Variants in TBC1D10B observed in about 807,000 individuals in gnomAD.
The protein encoded by TBC1D10B is TBC1 domain family member 10B, also known as Rab27A-GAPbeta.
In TBC1D10B, 25 loss-of-function variants were observed where a neutral mutation model predicts 78.4. The ratio of observed to expected loss-of-function variants is 0.32; its 90% CI spans 0.23 to 0.45. The LOEUF is 0.45. Among genes scored for constraint, TBC1D10B ranks in the 20% least tolerant of loss-of-function variants. The pLI is 1.00. For synonymous variants in TBC1D10B, 517 were observed against 478.0 expected (o/e 1.08, Z -1.06); for missense variants, 996 against 1,104.8 (o/e 0.90, Z 1.40).
chr16:30,369,433 T>C lies in TBC1D10B; in HGVS notation c.751A>G (p.Ser251Gly). The C allele has an allele frequency of 3.8e-6, 6 of 1,561,660 alleles. No individual in the cohort carries two copies. Among genetic ancestry groups the C allele is most frequent in the Non-Finnish European group, 5.2e-6 (6 of 1,152,960 alleles). Residue 251 changes from serine (S) to glycine (G), a missense_variant, in exon 1 of 9, where the codon AGC becomes GGC. Physicochemically the swap from Ser to Gly is moderately conservative, Grantham distance 56. Around this residue, in one of 5 missense-constraint regions of TBC1D10B, gnomAD observed 448 missense variants for 442.1 expected, o/e 1.01. Coordinates refer to ENST00000409939, the MANE Select transcript of TBC1D10B (RefSeq NM_015527.4). This position sits in a 1 kb window ranked among gnomAD's most constrained non-coding sequence, Gnocchi z 4.3. ...GGCCCAGAGATGCCAGGTCCCAGGC[T>C]GGACGTGGAGCCCAGGTCTTGAGAG... ...ENSQDLGSTS[S>G]LGPGISGPRG...
At position 30,370,275 on chromosome 16, in the gene TBC1D10B, A is replaced by C. The variant is rs1057496196; in HGVS notation, c.-92T>G. ...CCGGCGAGGCCAGCCGAGAAAGGGG[A>C]GAGGGCGAAGGGCGCGGCTCGGCGC... On this transcript the variant is annotated 5_prime_UTR_variant, in exon 1 of 9. Transcript: ENST00000409939. 1.1e-5 allele frequency: 7 copies of C among 651,804 alleles called. No individual in the cohort carries two copies. The highest frequency in any genetic ancestry group is 5.3e-5 in the Admixed American group (1 of 18,710). 40.4% of individuals were successfully genotyped at this position (651,804 alleles called of 1,614,324 possible).
Position 30,370,162 on chromosome 16 carries a change from G to A in TBC1D10B, c.22C>T (p.Leu8=), listed in dbSNP as rs2049677000. Residue 8 remains leucine (L), a synonymous_variant, in exon 1 of 9, where the codon CTG becomes TTG. Coordinates refer to ENST00000409939, the MANE Select transcript of TBC1D10B (RefSeq NM_015527.4). METGTAP[L]VAPPRRHGAP... ...CCATGACGGCGCGGCGGGGCCACCA[G>A]GGGCGCCGTGCCCGTCTCCATGGCC... The A allele has an allele frequency of 3.4e-6, 4 of 1,183,122 alleles. No homozygotes were observed. In the East Asian group the frequency reaches 1.1e-4, roughly 33 times the overall value. The allele number at this position is 1,183,122 out of a possible 1,614,324, so 73.3% of individuals were successfully genotyped here. A position where few individuals can be genotyped will look rare whatever the true frequency, so the allele number is the denominator to read the frequency against.
At chr16:30,367,776 G>A (rs2049648239) in intron 1 of TBC1D10B, 1 of 152,208 alleles carries the variant, frequency 6.6e-6, no homozygotes, top group Admixed American at 6.5e-5. Flanking sequence ...ACTTCATCCT[G>A]TGGACAGCAG....
chr16:30,366,336 C>G (rs1477949516), intron 1 of TBC1D10B: 1 of 152,120 alleles, frequency 6.6e-6, no homozygotes, highest in African/African-American at 2.4e-5. Flanking sequence ...AAAACCCTGT[C>G]TCTACTATAA....
rs1157347245 is a variant in TBC1D10B at position 30,358,650 on chromosome 16, G to A, written c.1797+13C>T. On this transcript the variant is annotated intron_variant, in intron 8 of 8. Transcript: ENST00000409939. ...TGAGGCAGGCAGGGGCTGCGTTGAG[G>A]GCACAGGCCTACCTCATGCACCAGG... is the stretch of plus-strand genomic sequence containing the variant. The A allele has an allele frequency of 1.3e-6, 2 of 1,596,370 alleles. No homozygotes were observed. The highest frequency in any genetic ancestry group is 1.3e-5 in the African/African-American group (1 of 74,650).
rs1255255637 is a variant in TBC1D10B at position 30,364,890 on chromosome 16, G to C, written c.1271+10C>G. On this transcript the variant is annotated intron_variant, in intron 4 of 8. Coordinates refer to ENST00000409939, the MANE Select transcript of TBC1D10B (RefSeq NM_015527.4). ...TTTGCTGACTGACCCCCATGGTCCGGCCACCTTACCCATGCCCCCCTCGAG... is the reference window on the plus strand; with the variant it reads ...TTTGCTGACTGACCCCCATGGTCCGCCCACCTTACCCATGCCCCCCTCGAG... 6.3e-7 allele frequency: 1 copy of C among 1,599,626 alleles called. No individual in the cohort carries two copies. The highest frequency in any genetic ancestry group is 1.1e-5 in the South Asian group (1 of 88,432).
rs908526635 is a variant in TBC1D10B, at chr16:30,357,181, A to G, written c.*763T>C. 2 of 152,878 alleles carry G rather than the reference A, an allele frequency of 1.3e-5. No individual in the cohort carries two copies. 9.5% of individuals were successfully genotyped at this position (152,878 alleles called of 1,614,324 possible). A position where few individuals can be genotyped will look rare whatever the true frequency, so the allele number is the denominator to read the frequency against. On this transcript the variant is annotated 3_prime_UTR_variant, in exon 9 of 9. Transcript: ENST00000409939. ...GGCAGAGACAGAAGAGAATGTAAAC[A>G]TTGGGTTCCACCCCCTGGAGCTCAA...
chr16:30,365,825 A>G lies in TBC1D10B; in HGVS notation c.957-231T>C, dbSNP rs2151102474. ...CATATTTAAATCTCACTTCTGACAC[A>G]TCCAAATCTGGGGAGAGAGTATGGA... On this transcript the variant is annotated intron_variant, in intron 1 of 8. Coordinates refer to ENST00000409939, the MANE Select transcript of TBC1D10B (RefSeq NM_015527.4). This position sits in a 1 kb window ranked among gnomAD's most constrained non-coding sequence, Gnocchi z 5.0. The G allele has an allele frequency of 7.7e-6, 4 of 518,300 alleles. No homozygotes were observed. The South Asian group carries it at 8.8e-5, about 11-fold the overall frequency. 32.1% of individuals were successfully genotyped at this position (518,300 alleles called of 1,614,324 possible).
Position 30,357,640 on chromosome 16 carries a change from T to A in TBC1D10B, c.*304A>T. The A allele has an allele frequency of 2.3e-6, 1 of 440,266 alleles. No individual in the cohort carries two copies. The highest frequency in any genetic ancestry group is 4.1e-6 in the Non-Finnish European group (1 of 245,252). 27.3% of individuals were successfully genotyped at this position (440,266 alleles called of 1,614,324 possible). On this transcript the variant is annotated 3_prime_UTR_variant, in exon 9 of 9. Coordinates refer to ENST00000409939, the MANE Select transcript of TBC1D10B (RefSeq NM_015527.4). ...AACTGCTGACTCCCATCACCAGGAG[T>A]CACCCCTGGGATGACAACGGGCCAT...
Position 30,365,282 on chromosome 16 carries a change from C to T in TBC1D10B, c.1057-70G>A. On this transcript the variant is annotated intron_variant, in intron 2 of 8. Coordinates refer to ENST00000409939, the MANE Select transcript of TBC1D10B (RefSeq NM_015527.4). The surrounding 1 kb of genome is among the most constrained non-coding windows in gnomAD (Gnocchi z 5.0). Reference sequence around the variant, plus strand: ...AGCCTCCAACCTTTCCCCAGCAGTCCACAAACTCCCTGGATACTCCTCCGA... The same window carrying T: ...AGCCTCCAACCTTTCCCCAGCAGTCTACAAACTCCCTGGATACTCCTCCGA... 4 of 1,415,364 alleles carry T rather than the reference C, an allele frequency of 2.8e-6. No homozygotes were observed. The highest frequency in any genetic ancestry group is 3.0e-6 in the Non-Finnish European group (3 of 1,006,790). The allele number at this position is 1,415,364 out of a possible 1,614,324, so 87.7% of individuals were successfully genotyped here. A position where few individuals can be genotyped will look rare whatever the true frequency, so the allele number is the denominator to read the frequency against.
Position 30,359,271 on chromosome 16 carries a change from C to T in TBC1D10B, c.1543G>A (p.Asp515Asn). 6.2e-7 allele frequency: 1 copy of T among 1,610,142 alleles called. No homozygotes were observed. The highest frequency in any genetic ancestry group is 8.5e-7 in the Non-Finnish European group (1 of 1,178,334). Residue 515 changes from aspartate (D) to asparagine (N), a missense_variant, in exon 7 of 9, where the codon GAC (aspartate) becomes AAC (asparagine). By Grantham distance (23) the Asp-to-Asn change is conservative (BLOSUM62 1). Coordinates refer to ENST00000409939, the MANE Select transcript of TBC1D10B (RefSeq NM_015527.4). ...AHRHLRRQRIDPVLYMTEWFM... is the reference protein window; with the variant it reads ...AHRHLRRQRINPVLYMTEWFM... ...CACTCCGTCATGTAGAGCACAGGGTCAATGCGCTGCCGCCGCAGGTGGCGA... is the reference window on the plus strand; with the variant it reads ...CACTCCGTCATGTAGAGCACAGGGTTAATGCGCTGCCGCCGCAGGTGGCGA...
At chr16:30,358,885 T>A in intron 7 of TBC1D10B, 68 bp from the exon 8 acceptor site, 1 of 1,503,706 alleles carries the variant, frequency 6.7e-7, no homozygotes, top group South Asian at 1.3e-5. Flanking sequence ...CTGATCAGGA[T>A]AGACTCACAG....
rs2049674469 is a variant in TBC1D10B at position 30,370,004 on chromosome 16, G to A, written c.180C>T (p.Pro60=). 2.4e-6 allele frequency: 3 copies of A among 1,233,172 alleles called. No individual in the cohort carries two copies. Among genetic ancestry groups the A allele is most frequent in the Non-Finnish European group, 1.0e-6 (1 of 988,520 alleles). 76.4% of individuals were successfully genotyped at this position (1,233,172 alleles called of 1,614,324 possible). ...VTLVAPGEAR[P]AWVPGSAETS... ...TCTCGGCCGACCCCGGGACCCAGGC[G>A]GGCCGCGCCTCCCCGGGGGCCACCA... The change falls in exon 1 of 9, where the codon CCC becomes CCT. Residue 60 remains proline, a synonymous_variant. Transcript: ENST00000409939.
At position 30,357,530 on chromosome 16, in the gene TBC1D10B, G is replaced by C. The variant is rs775232055; in HGVS notation, c.*414C>G. On this transcript the variant is annotated 3_prime_UTR_variant, in exon 9 of 9. Coordinates refer to ENST00000409939, the MANE Select transcript of TBC1D10B (RefSeq NM_015527.4). ...AGAATGAGAGCCCTGGCCAGGAAGT[G>C]GGGGAGACAGGGAGGGCTGAAGACA... 2 of 225,130 alleles carry C rather than the reference G, an allele frequency of 8.9e-6. No homozygotes were observed. The highest frequency in any genetic ancestry group is 1.8e-3 in the Middle Eastern group (1 of 570). 13.9% of individuals were successfully genotyped at this position (225,130 alleles called of 1,614,324 possible).
At position 30,357,789 on chromosome 16, in the gene TBC1D10B, T is replaced by G; in HGVS notation, c.*155A>C. On this transcript the variant is annotated 3_prime_UTR_variant, in exon 9 of 9. Coordinates refer to ENST00000409939, the MANE Select transcript of TBC1D10B (RefSeq NM_015527.4). ...TGCAGCTGCCCATCTGTCCTGCCCGTGTAGGGATCAGCAGCTGGCGAGGAG... is the reference window on the plus strand; with the variant it reads ...TGCAGCTGCCCATCTGTCCTGCCCGGGTAGGGATCAGCAGCTGGCGAGGAG... 4 of 1,017,472 alleles carry G rather than the reference T, an allele frequency of 3.9e-6. No homozygotes were observed. Among genetic ancestry groups the G allele is most frequent in the Non-Finnish European group, 5.6e-6 (4 of 717,160 alleles). 63.0% of individuals were successfully genotyped at this position (1,017,472 alleles called of 1,614,324 possible).
At position 30,357,347 on chromosome 16, in the gene TBC1D10B, G is replaced by T. The variant is rs2049559480; in HGVS notation, c.*597C>A. ...TTTGGAGGGAGCACAGCAGGGTGCA[G>T]GAAGGGAGATGGGGGACATTTCCTA... is the stretch of plus-strand genomic sequence containing the variant. On this transcript the variant is annotated 3_prime_UTR_variant, in exon 9 of 9. Coordinates refer to ENST00000409939, the MANE Select transcript of TBC1D10B (RefSeq NM_015527.4). 1 of 161,782 alleles carries T rather than the reference G, an allele frequency of 6.2e-6. No homozygotes were observed. The highest frequency in any genetic ancestry group is 2.4e-5 in the African/African-American group (1 of 41,488). The allele number at this position is 161,782 out of a possible 1,614,324, so 10.0% of individuals were successfully genotyped here.
rs373512324 is a variant in TBC1D10B, at chr16:30,369,365, C to G, written c.819G>C (p.Val273=). 5.0e-6 allele frequency: 8 copies of G among 1,596,406 alleles called. No homozygotes were observed. Among genetic ancestry groups the G allele is most frequent in the Non-Finnish European group, 6.8e-6 (8 of 1,171,728 alleles). The stretch of plus-strand genomic sequence containing the variant: ...ACTCCAAGGTCCCAGACATGAGGCT[C>G]ACGGAGTCCAAGTAACTCAGCGTGT... ...APDTLSYLDS[V]SLMSGTLESL... is the part of the protein sequence containing the mutation. Residue 273 remains valine (V), a synonymous_variant, in exon 1 of 9, where the codon GTG becomes GTC. Coordinates refer to ENST00000409939, the MANE Select transcript of TBC1D10B (RefSeq NM_015527.4). The surrounding 1 kb of genome is among the most constrained non-coding windows in gnomAD (Gnocchi z 4.3).
Position 30,358,057 on chromosome 16 carries a change from TCTC to T in TBC1D10B, c.2311_2313del (p.Glu771del), listed in dbSNP as rs755506600. On this transcript the variant is annotated inframe_deletion, in exon 9 of 9. Coordinates refer to ENST00000409939, the MANE Select transcript of TBC1D10B (RefSeq NM_015527.4). ...GAAAGCTTCCGGCCTTGAGCCTTCT[TCTC>T]CTGCTTCTGCCGCTCCTTCTCCTGC... is the stretch of plus-strand genomic sequence containing the variant. 3.8e-5 allele frequency: 59 copies of T among 1,551,676 alleles called. No homozygotes were observed. The highest frequency in any genetic ancestry group is 2.5e-4 in the Admixed American group (13 of 50,992).
rs747209903 is a variant in TBC1D10B, at chr16:30,359,256, T to C, written c.1558A>G (p.Met520Val). ...RRQRIDPVLY[M>V]TEWFMCIFAR... The stretch of plus-strand genomic sequence containing the variant: ...AAGATGCACATGAACCACTCCGTCA[T>C]GTAGAGCACAGGGTCAATGCGCTGC... Residue 520 changes from methionine to valine, a missense_variant, in exon 7 of 9, where the codon ATG becomes GTG. Physicochemically the swap from Met to Val is conservative, Grantham distance 21 (BLOSUM62 1). Around this residue, in one of 5 missense-constraint regions of TBC1D10B, gnomAD observed 168 missense variants for 238.7 expected, o/e 0.70. Transcript: ENST00000409939. 3 of 1,612,504 alleles carry C rather than the reference T, an allele frequency of 1.9e-6. No homozygotes were observed. Among genetic ancestry groups the C allele is most frequent in the East Asian group, 2.2e-5 (1 of 44,790 alleles).
Sources: allele counts gnomAD v4.1 joint callset, GRCh38; gene constraint gnomAD v4.1.1; regional missense constraint gnomAD v4.1.1; non-coding constraint Gnocchi (gnomAD v3.1); transcripts MANE v1.5; gene names NCBI Gene and HGNC (gene_info 2026-07-23, HGNC 2026-07-21).